ZFAND3: variants seen among roughly 807,000 people sequenced by gnomAD.
ZFAND3 encodes AN1-type zinc finger protein 3.
A neutral mutation model predicts 29.6 loss-of-function variants in ZFAND3; 10 were observed. That is an observed-to-expected ratio of 0.34 (90% confidence interval 0.21 to 0.57). ZFAND3 has a LOEUF of 0.57. Among genes scored for constraint, ZFAND3 ranks in the 20% least tolerant of loss-of-function variants. ZFAND3 has a pLI of 0.86. For synonymous variants in ZFAND3, 128 were observed against 112.6 expected, an observed-to-expected ratio of 1.14 and a Z score of -0.87; for missense variants, 230 against 304.5, an observed-to-expected ratio of 0.76 and a Z score of 1.82.
chr6:37,988,872 A>C (rs1762713029), intron 2 of ZFAND3, among the ~76,000 whole-genome samples: 1 of 151,966 alleles, frequency 6.6e-6, no homozygotes, highest in Non-Finnish European at 1.5e-5. Flanking sequence ...TGTTTTTTTA[A>C]GGGTCTAGTT....
At chr6:38,111,167 G>A (rs988554683) in intron 4 of ZFAND3, among the ~76,000 whole-genome samples, 2 of 152,286 alleles carry the variant, frequency 1.3e-5, no homozygotes, top group Admixed American at 6.5e-5. Flanking sequence ...GGCTAGGAAA[G>A]TACAATTAGA....
rs1177747614 is a variant in ZFAND3 at position 38,153,891 on chromosome 6, C to G, written c.*1502C>G. On this transcript the variant is annotated 3_prime_UTR_variant, in exon 6 of 6. Transcript: ENST00000287218. ...ACATAGGCTACTGGAATAGTTTAAC[C>G]CAGCAACTTTCCTTTTTATAAAACA... 1 of 985,366 alleles carries G rather than the reference C, an allele frequency of 1.0e-6. No homozygotes were observed. Among genetic ancestry groups the G allele is most frequent in the Non-Finnish European group, 1.2e-6 (1 of 829,946 alleles). 61.0% of individuals were successfully genotyped at this position (985,366 alleles called of 1,614,324 possible).
intron 2 of ZFAND3, among the ~76,000 whole-genome samples, chr6:37,946,222 T>C (rs936844390): frequency 2.6e-5 from 4 of 152,208 alleles, no homozygotes; most frequent in African/African-American, 7.2e-5. Context: ...AAAGGTCAAG[T>C]GTCTTGTATT....
intron 2 of ZFAND3, among the ~76,000 whole-genome samples, chr6:37,964,666 C>T (rs1581796575): frequency 6.6e-6 from 1 of 152,194 alleles, no homozygotes; most frequent in East Asian, 1.9e-4. Context: ...CAGAGCAAAG[C>T]CAAAATACCC....
intron 5 of ZFAND3, among the ~76,000 whole-genome samples, chr6:38,149,631 C>G (rs1399889553): frequency 6.6e-6 from 1 of 152,010 alleles, no homozygotes; most frequent in African/African-American, 2.4e-5. Flanking sequence ...TTTCCAGAGT[C>G]CTGGGGCTCT....
intron 1 of ZFAND3, among the ~76,000 whole-genome samples, chr6:37,918,660 G>C (rs879781878): frequency 6.6e-6 from 1 of 152,058 alleles, no homozygotes; most frequent in Non-Finnish European, 1.5e-5. Context: ...ATCTTAATGA[G>C]AGTGGATGAG....
At chr6:38,002,371 A>T (rs1235954060) in intron 2 of ZFAND3, among the ~76,000 whole-genome samples, 2 of 151,680 alleles carry the variant, frequency 1.3e-5, no homozygotes, top group African/African-American at 2.4e-5. Flanking sequence ...TTTTGGGAAA[A>T]TATGTGGTTA....
intron 3 of ZFAND3, among the ~76,000 whole-genome samples, chr6:38,071,318 A>G (rs527794685): frequency 6.6e-6 from 1 of 152,012 alleles, no homozygotes; most frequent in Non-Finnish European, 1.5e-5. Context: ...ATATTTTTCT[A>G]TGTACATTTA....
chr6:37,854,193 C>T (rs929050180), intron 1 of ZFAND3, among the ~76,000 whole-genome samples: 3 of 152,072 alleles, frequency 2.0e-5, no homozygotes, highest in Non-Finnish European at 4.4e-5. Flanking sequence ...TCAGGTGATC[C>T]GCCTGCCTCA....
At chr6:38,091,288 C>A (rs1025129781) in intron 4 of ZFAND3, among the ~76,000 whole-genome samples, 1 of 150,262 alleles carries the variant, frequency 6.7e-6, no homozygotes, top group Non-Finnish European at 1.5e-5. Context: ...AATGCAGTTA[C>A]AGCTGGTTTT....
Position 37,819,850 on chromosome 6 carries a change from G to GGCCC in ZFAND3, c.-96_-95insGCCC. On this transcript the variant is annotated 5_prime_UTR_variant, in exon 1 of 6. Coordinates refer to ENST00000287218, the MANE Select transcript of ZFAND3 (RefSeq NM_021943.3). ...CTCCTTCCCCCTCCCCCCGCCCCGA[G>GGCCC]CCCCCCGACGCCGCCGCCACCGCCT... 1.3e-6 allele frequency: 1 copy of GGCCC among 778,896 alleles called. No individual in the cohort carries two copies. The highest frequency in any genetic ancestry group is 1.6e-6 in the Non-Finnish European group (1 of 607,886). 48.2% of individuals were successfully genotyped at this position (778,896 alleles called of 1,614,324 possible). A position where few individuals can be genotyped will look rare whatever the true frequency, so the allele number is the denominator to read the frequency against.
At chr6:37,821,127 GT>G (rs1319755267) in intron 1 of ZFAND3, among the ~76,000 whole-genome samples, 1 of 152,230 alleles carries the variant, frequency 6.6e-6, no homozygotes, top group Non-Finnish European at 1.5e-5. Context: ...TATGGAAGTA[GT>G]TTTCCCTTTG....
At chr6:38,044,707 T>G (rs899007930) in intron 2 of ZFAND3, among the ~76,000 whole-genome samples, 23 of 152,230 alleles carry the variant, frequency 1.5e-4, no homozygotes, top group African/African-American at 5.3e-4. Context: ...CACTACAGTG[T>G]TTTTCACATA....
At position 38,151,744 on chromosome 6, in the gene ZFAND3, G is replaced by A. The variant is rs541607264; in HGVS notation, c.530-491G>A. 3.8e-3 allele frequency among the ~76,000 whole-genome samples: 574 copies of A among 152,294 alleles called. 5 individuals carry two copies. Among genetic ancestry groups the A allele is most frequent in the Non-Finnish European group, 7.1e-3 (482 of 67,996 alleles). ...GAGCTCCCACTCATTTTTGGGTTGT[G>A]GTTTGATCACTCCCACCATCCTCTC... On this transcript the variant is annotated intron_variant, in intron 5 of 5. Transcript: ENST00000287218.
intron 2 of ZFAND3, among the ~76,000 whole-genome samples, chr6:37,980,900 T>G (rs1762567546): frequency 6.6e-6 from 1 of 152,208 alleles, no homozygotes; most frequent in Non-Finnish European, 1.5e-5. Context: ...TAAAATTAAT[T>G]GTAGGGTAAG....
At chr6:38,113,476 C>A (rs1484341929) in intron 4 of ZFAND3, among the ~76,000 whole-genome samples, 2 of 152,148 alleles carry the variant, frequency 1.3e-5, no homozygotes, top group Non-Finnish European at 2.9e-5. Context: ...CAAGGAAAAT[C>A]TCAGCATGGG....
At chr6:38,019,152 G>T (rs1479606597) in intron 2 of ZFAND3, among the ~76,000 whole-genome samples, 2 of 152,238 alleles carry the variant, frequency 1.3e-5, no homozygotes, top group Middle Eastern at 6.8e-3. Flanking sequence ...TAGATACAGG[G>T]TTTCACCATC....
intron 4 of ZFAND3, among the ~76,000 whole-genome samples, chr6:38,105,650 AG>A (rs1765192799): frequency 6.6e-6 from 1 of 152,196 alleles, no homozygotes; most frequent in Admixed American, 6.5e-5. Context: ...TATCCATATC[AG>A]TATCTTGGTT....
intron 1 of ZFAND3, among the ~76,000 whole-genome samples, chr6:37,857,405 A>G (rs751949504): frequency 5.1e-4 from 77 of 152,322 alleles, no homozygotes; most frequent in Non-Finnish European, 2.4e-4. Flanking sequence ...TGTGGAAACA[A>G]TGGTAAGTAA....
Sources: gnomAD v4.1 joint callset for allele counts (sites outside exome capture counted in the v4.1 genomes callset) on GRCh38, gnomAD v4.1.1 for gene constraint, MANE v1.5 for transcripts, NCBI Gene and HGNC (gene_info 2026-07-23, HGNC 2026-07-21) for gene names.